Variants in DVL3 observed in about 807,000 individuals in gnomAD.
DVL3 encodes dishevelled segment polarity protein 3.
Under a neutral mutation model 67.4 loss-of-function variants are expected in DVL3, and 27 were observed. The ratio of observed to expected loss-of-function variants is 0.40; its 90% CI spans 0.30 to 0.55. The LOEUF is 0.55. Ranked by LOEUF, DVL3 falls within the 20% of genes least tolerant of loss-of-function variation. The pLI, the probability that DVL3 is intolerant of heterozygous loss-of-function variation, is 0.46. For synonymous variants in DVL3, 369 were observed against 396.8 expected, an observed-to-expected ratio of 0.93 and a Z score of 0.83; for missense variants, 819 against 1,021.5, an observed-to-expected ratio of 0.80 and a Z score of 2.70.
chr3:184,170,690 G>A lies in DVL3; in HGVS notation c.2086G>A (p.Ala696Thr). 6.2e-7 allele frequency: 1 copy of A among 1,613,504 alleles called. No individual in the cohort carries two copies. The highest frequency in any genetic ancestry group is 8.5e-7 in the Non-Finnish European group (1 of 1,179,882). ...DLASVPPELT[A>T]SRQSFRMAMG... Reference sequence around the variant, plus strand: ...GGCCTCAGTGCCCCCGGAACTGACCGCCAGCAGACAGTCCTTCCGCATGGC... The same window carrying A: ...GGCCTCAGTGCCCCCGGAACTGACCACCAGCAGACAGTCCTTCCGCATGGC... The change falls in exon 15 of 15, where the codon GCC becomes ACC. Residue 696 changes from alanine to threonine, a missense_variant. Physicochemically the swap from Ala to Thr is moderately conservative, Grantham distance 58. This residue lies in a region of DVL3 where 324 missense variants were observed against 331.3 expected (regional missense o/e 0.98). Transcript: ENST00000313143. The surrounding 1 kb of genome is among the most constrained non-coding windows in gnomAD (Gnocchi z 6.5).
Position 184,170,056 on chromosome 3 carries a change from G to C in DVL3, c.1549G>C (p.Asp517His), listed in dbSNP as rs2109023698. Residue 517 changes from aspartate to histidine, a missense_variant, in exon 14 of 15, where the codon GAC (aspartate) becomes CAC (histidine). Coordinates refer to ENST00000313143, the MANE Select transcript of DVL3 (RefSeq NM_004423.4). This position sits in a 1 kb window ranked among gnomAD's most constrained non-coding sequence, Gnocchi z 6.5. ...HDHDGSSGASDQDTLAPLPHP... is the reference protein window; with the variant it reads ...HDHDGSSGASHQDTLAPLPHP... ...TCACGATGGCTCCAGTGGCGCCTCT[G>C]ACCAGGACACACTGGCCCCTTTGCC... 6.2e-7 allele frequency: 1 copy of C among 1,613,738 alleles called. No individual in the cohort carries two copies. Among genetic ancestry groups the C allele is most frequent in the Non-Finnish European group, 8.5e-7 (1 of 1,179,850 alleles).
At position 184,164,125 on chromosome 3, in the gene DVL3, C is replaced by T; in HGVS notation, c.232-142C>T. The T allele has an allele frequency of 1.3e-5, 14 of 1,043,090 alleles. No individual in the cohort carries two copies. In the South Asian group the frequency reaches 2.2e-4, roughly 16 times the overall value. The allele number at this position is 1,043,090 out of a possible 1,614,324, so 64.6% of individuals were successfully genotyped here. On this transcript the variant is annotated intron_variant, in intron 2 of 14. Coordinates refer to ENST00000313143, the MANE Select transcript of DVL3 (RefSeq NM_004423.4). This position sits in a 1 kb window ranked among gnomAD's most constrained non-coding sequence, Gnocchi z 5.3. The stretch of plus-strand genomic sequence containing the variant: ...GCAGAGGGGCCACTGTTCATCTCAG[C>T]CACCCTCGCACAGCCCTGTCTTTTC...
In DVL3 at chr3:184,166,019, G is replaced by A. The variant is rs1035893361; in HGVS notation, c.764-107G>A. The stretch of plus-strand genomic sequence containing the variant: ...CATGCTGAGTGCAGTGCCTGATTCA[G>A]GATCAGCAAATGTCAGTTCAGTTCC... On this transcript the variant is annotated intron_variant, in intron 7 of 14. Transcript: ENST00000313143. This position sits in a 1 kb window ranked among gnomAD's most constrained non-coding sequence, Gnocchi z 6.7. 4 of 1,380,160 alleles carry A rather than the reference G, an allele frequency of 2.9e-6. No individual in the cohort carries two copies. In the Admixed American group the frequency reaches 6.5e-5, roughly 22 times the overall value. 85.5% of individuals were successfully genotyped at this position (1,380,160 alleles called of 1,614,324 possible).
At chr3:184,156,293 G>A (rs1305756700) in intron 1 of DVL3, 1 of 455,884 alleles carries the variant, frequency 2.2e-6, no homozygotes, top group African/African-American at 2.0e-5. Flanking sequence ...TTGAGCTGGG[G>A]GAGGGGTGTC....
rs1402630924 is a variant in DVL3 at position 184,173,281 on chromosome 3, C to G, written c.*2526C>G. The G allele has an allele frequency of 6.6e-6, 1 of 152,212 alleles. No individual in the cohort carries two copies. Among genetic ancestry groups the G allele is most frequent in the East Asian group, 1.9e-4 (1 of 5,204 alleles). 9.4% of individuals were successfully genotyped at this position (152,212 alleles called of 1,614,324 possible). On this transcript the variant is annotated 3_prime_UTR_variant, in exon 15 of 15. Transcript: ENST00000313143. ...TTTATGAGCTTACATTCCTTCTTCCCATATCTTATCAGCATATCATATCCA... is the reference window on the plus strand; with the variant it reads ...TTTATGAGCTTACATTCCTTCTTCCGATATCTTATCAGCATATCATATCCA...
In DVL3 at chr3:184,171,120, T is replaced by G; in HGVS notation, c.*365T>G. On this transcript the variant is annotated 3_prime_UTR_variant, in exon 15 of 15. Transcript: ENST00000313143. ...CCTTGGTGGCACGCTCACTCCCTCA[T>G]TCTCTCGTTTCCCCTTTAGCTCCCT... 2.5e-6 allele frequency: 3 copies of G among 1,194,866 alleles called. No homozygotes were observed. The highest frequency in any genetic ancestry group is 5.9e-5 in the East Asian group (1 of 17,082). The allele number at this position is 1,194,866 out of a possible 1,614,324, so 74.0% of individuals were successfully genotyped here.
rs1178423196 is a variant in DVL3 at position 184,155,382 on chromosome 3, G to T, written c.-254G>T. 4.0e-5 allele frequency: 6 copies of T among 150,066 alleles called. No individual in the cohort carries two copies. The South Asian group carries it at 1.1e-3, about 29-fold the overall frequency. The allele number at this position is 150,066 out of a possible 1,614,324, so 9.3% of individuals were successfully genotyped here. A position where few individuals can be genotyped will look rare whatever the true frequency, so the allele number is the denominator to read the frequency against. ...GCGGGCCCGGACGAAGCCCTGGGCC[G>T]GGAGGGCCGCGGCCACCGGAAGAGT... On this transcript the variant is annotated 5_prime_UTR_variant, in exon 1 of 15. Transcript: ENST00000313143. The surrounding 1 kb of genome is among the most constrained non-coding windows in gnomAD (Gnocchi z 5.4).
At position 184,167,642 on chromosome 3, in the gene DVL3, TC is replaced by T; in HGVS notation, c.1265del (p.Pro422LeufsTer51). On this transcript the variant is annotated frameshift_variant, in exon 12 of 15. Coordinates refer to ENST00000313143, the MANE Select transcript of DVL3 (RefSeq NM_004423.4). LOFTEE classifies it high-confidence loss of function. The surrounding 1 kb of genome is among the most constrained non-coding windows in gnomAD (Gnocchi z 4.6). Reference sequence around the variant, plus strand: ...GGCTGCCATCGTAAAAGCCATGGCCTCCCCTGAATCAGGGTTGGAGGTCCGT... The same window carrying T: ...GGCTGCCATCGTAAAAGCCATGGCCTCCCTGAATCAGGGTTGGAGGTCCGT... ...DMAAIVKAMA[S>X]PESGLEVRDR... 6.2e-7 allele frequency: 1 copy of T among 1,613,890 alleles called. No homozygotes were observed. Among genetic ancestry groups the T allele is most frequent in the Non-Finnish European group, 8.5e-7 (1 of 1,179,938 alleles).
In DVL3 at chr3:184,170,442, T is replaced by TGCGGGGGCCGCGGGA; in HGVS notation, c.1844_1858dup (p.Gly615_Arg619dup). On this transcript the variant is annotated inframe_insertion, in exon 15 of 15. Transcript: ENST00000313143. The surrounding 1 kb of genome is among the most constrained non-coding windows in gnomAD (Gnocchi z 6.5). ...TCGGACCACACCACACGCAGCAGCCTGCGGGGGCCGCGGGAGCGGGCGCCC... is the reference window on the plus strand; with the variant it reads ...TCGGACCACACCACACGCAGCAGCCTGCGGGGGCCGCGGGAGCGGGGGCCGCGGGAGCGGGCGCCC... 1 of 1,586,336 alleles carries TGCGGGGGCCGCGGGA rather than the reference T, an allele frequency of 6.3e-7. No individual in the cohort carries two copies.
chr3:184,168,102 G>T lies in DVL3; in HGVS notation c.1498+37G>T, dbSNP rs766267163. ...CCTCATCTTCTTGCCCTGTCTCCTGGCTGGGAGTGGGGAGGTAGCCAGGGA... is the reference window on the plus strand; with the variant it reads ...CCTCATCTTCTTGCCCTGTCTCCTGTCTGGGAGTGGGGAGGTAGCCAGGGA... On this transcript the variant is annotated intron_variant, in intron 13 of 14. Coordinates refer to ENST00000313143, the MANE Select transcript of DVL3 (RefSeq NM_004423.4). 17 of 1,595,364 alleles carry T rather than the reference G, an allele frequency of 1.1e-5. No homozygotes were observed. In the African/African-American group the frequency reaches 1.2e-4, roughly 11 times the overall value.
rs1714458881 is a variant in DVL3, at chr3:184,163,591, T to C, written c.162-66T>C. On this transcript the variant is annotated intron_variant, in intron 1 of 14. Coordinates refer to ENST00000313143, the MANE Select transcript of DVL3 (RefSeq NM_004423.4). The surrounding 1 kb of genome is among the most constrained non-coding windows in gnomAD (Gnocchi z 4.5). ...TTTAGGATGGAGGAGCCCCTGAGAG[T>C]TGGGATTTGAGGATCCTCCATTTGC... The C allele has an allele frequency of 7.3e-7, 1 of 1,370,216 alleles. No homozygotes were observed. The highest frequency in any genetic ancestry group is 1.0e-6 in the Non-Finnish European group (1 of 957,602). 84.9% of individuals were successfully genotyped at this position (1,370,216 alleles called of 1,614,324 possible).
At position 184,169,888 on chromosome 3, in the gene DVL3, T is replaced by G. The variant is rs534523768; in HGVS notation, c.1499-118T>G. ...CAGAAGGGGGGAGCTCTCTGGGCTGTGCCTCCTCTCATTCTAGCCAGAAAC... is the reference window on the plus strand; with the variant it reads ...CAGAAGGGGGGAGCTCTCTGGGCTGGGCCTCCTCTCATTCTAGCCAGAAAC... On this transcript the variant is annotated intron_variant, in intron 13 of 14. Transcript: ENST00000313143. The G allele has an allele frequency of 7.0e-5, 65 of 933,494 alleles. No homozygotes were observed. The African/African-American group carries it at 7.2e-4, about 10-fold the overall frequency. The allele number at this position is 933,494 out of a possible 1,614,324, so 57.8% of individuals were successfully genotyped here. A position where few individuals can be genotyped will look rare whatever the true frequency, so the allele number is the denominator to read the frequency against.
chr3:184,171,026 C>A lies in DVL3; in HGVS notation c.*271C>A. 2 of 1,402,858 alleles carry A rather than the reference C, an allele frequency of 1.4e-6. No individual in the cohort carries two copies. Among genetic ancestry groups the A allele is most frequent in the East Asian group, 3.0e-5 (1 of 33,218 alleles). The allele number at this position is 1,402,858 out of a possible 1,614,324, so 86.9% of individuals were successfully genotyped here. ...CCCAGGACCCCTTTTGTCTCTGGGA[C>A]CAGACTTGTTGGTGCTACCCCTTAC... On this transcript the variant is annotated 3_prime_UTR_variant, in exon 15 of 15. Coordinates refer to ENST00000313143, the MANE Select transcript of DVL3 (RefSeq NM_004423.4).
Position 184,155,705 on chromosome 3 carries a change from C to T in DVL3, c.70C>T (p.Pro24Ser). ...ETPYLVKLPL[P>S]AERVTLADFK... is the part of the protein sequence containing the mutation. ...GCCGTACCTTGTGAAGCTGCCCCTG[C>T]CCGCCGAGCGCGTCACCTTGGCGGA... Residue 24 changes from proline to serine, a missense_variant, in exon 1 of 15, where the codon CCC (proline) becomes TCC (serine). Pro to Ser is a moderately conservative substitution (Grantham distance 74). Around this residue, in one of 3 missense-constraint regions of DVL3, gnomAD observed 385 missense variants for 486.8 expected, o/e 0.79. Coordinates refer to ENST00000313143, the MANE Select transcript of DVL3 (RefSeq NM_004423.4). This position sits in a 1 kb window ranked among gnomAD's most constrained non-coding sequence, Gnocchi z 5.4. 1 of 1,613,238 alleles carries T rather than the reference C, an allele frequency of 6.2e-7. No individual in the cohort carries two copies. Among genetic ancestry groups the T allele is most frequent in the Non-Finnish European group, 8.5e-7 (1 of 1,179,826 alleles).
In DVL3 at chr3:184,170,960, C is replaced by G. The variant is rs1577053491; in HGVS notation, c.*205C>G. The stretch of plus-strand genomic sequence containing the variant: ...GCAGCCCCCTAACCTGCCTCTGGCC[C>G]CAGTTCGTTTCCTCTGCCCACTAAT... On this transcript the variant is annotated 3_prime_UTR_variant, in exon 15 of 15. Transcript: ENST00000313143. The surrounding 1 kb of genome is among the most constrained non-coding windows in gnomAD (Gnocchi z 6.5). 6.5e-7 allele frequency: 1 copy of G among 1,526,956 alleles called. No homozygotes were observed. The allele number at this position is 1,526,956 out of a possible 1,614,324, so 94.6% of individuals were successfully genotyped here. A position where few individuals can be genotyped will look rare whatever the true frequency, so the allele number is the denominator to read the frequency against.
In DVL3 at chr3:184,170,465, CCCAGCGAGCGCTCAGGGCCGGCGG is replaced by C. The variant is rs771117127; in HGVS notation, c.1871_1894del (p.Arg624_Glu631del). The C allele has an allele frequency of 9.5e-6, 15 of 1,585,416 alleles. No individual in the cohort carries two copies. In the South Asian group the frequency reaches 1.4e-4, roughly 14 times the overall value. On this transcript the variant is annotated inframe_deletion, in exon 15 of 15. Transcript: ENST00000313143. The surrounding 1 kb of genome is among the most constrained non-coding windows in gnomAD (Gnocchi z 6.5). Reference sequence around the variant, plus strand: ...CCTGCGGGGGCCGCGGGAGCGGGCGCCCAGCGAGCGCTCAGGGCCGGCGGCCAGCGAGCACAGCCACCGCAGCCA... The same window carrying C: ...CCTGCGGGGGCCGCGGGAGCGGGCGCCCAGCGAGCACAGCCACCGCAGCCA...
intron 1 of DVL3, chr3:184,156,287 G>A (rs1304453515): frequency 4.4e-6 from 2 of 455,678 alleles, no homozygotes; most frequent in Non-Finnish European, 8.8e-6. Flanking sequence ...GGGACTTTGA[G>A]CTGGGGGAGG....
In DVL3 at chr3:184,167,879, C is replaced by T; in HGVS notation, c.1331-19C>T. The T allele has an allele frequency of 1.2e-6, 2 of 1,614,258 alleles. No homozygotes were observed. Among genetic ancestry groups the T allele is most frequent in the Non-Finnish European group, 1.7e-6 (2 of 1,180,032 alleles). ...CAAGTCAGATGGGCCTCCCCATCAA[C>T]TGGCAGCCTTGTCCCCAGGCTCAGA... On this transcript the variant is annotated intron_variant, in intron 12 of 14. Transcript: ENST00000313143. The surrounding 1 kb of genome is among the most constrained non-coding windows in gnomAD (Gnocchi z 4.6).
intron 1 of DVL3, among the ~76,000 whole-genome samples, chr3:184,159,632 G>C (rs938803991): frequency 4.7e-5 from 7 of 148,694 alleles, no homozygotes; most frequent in African/African-American, 1.7e-4. Context: ...CCAAAGTGCT[G>C]GGATTACAGG....
Sources: allele counts gnomAD v4.1 joint callset (sites outside exome capture counted in the v4.1 genomes callset), GRCh38; gene constraint gnomAD v4.1.1; regional missense constraint gnomAD v4.1.1; non-coding constraint Gnocchi (gnomAD v3.1); transcripts MANE v1.5; gene names NCBI Gene and HGNC (gene_info 2026-07-23, HGNC 2026-07-21).